The following JPH2 variants were observed in gnomAD, a reference collection of about 807,000 sequenced individuals.
The protein encoded by JPH2 is junctophilin 2, also known as junctophilin-2.
A neutral mutation model predicts 55.9 loss-of-function variants in JPH2; 38 were observed. The observed-to-expected ratio is 0.68, with a 90% CI of 0.52 to 0.89. The LOEUF is 0.89. Among genes scored for constraint, JPH2 ranks in the 40% least tolerant of loss-of-function variants. The pLI is 0.00. For synonymous variants in JPH2, 480 were observed against 472.4 expected, an observed-to-expected ratio of 1.02 and a Z score of -0.21; for missense variants, 964 against 1,037.6, an observed-to-expected ratio of 0.93 and a Z score of 0.97.
At chr20:44,119,041 G>A (rs2072215452) in intron 2 of JPH2, among the ~76,000 whole-genome samples, 1 of 152,192 alleles carries the variant, frequency 6.6e-6, no homozygotes, top group Non-Finnish European at 1.5e-5. Flanking sequence ...TGGCAGTGTG[G>A]TGAAGCCTAT....
intron 2 of JPH2, among the ~76,000 whole-genome samples, chr20:44,145,701 G>A (rs113581450): frequency 2.6e-5 from 4 of 151,460 alleles, no homozygotes; most frequent in African/African-American, 9.7e-5. Context: ...TTTCCACTTT[G>A]TGGAGTTCTG....
At chr20:44,171,601 T>C (rs1321220752) in intron 1 of JPH2, among the ~76,000 whole-genome samples, 4 of 152,062 alleles carry the variant, frequency 2.6e-5, no homozygotes, top group Non-Finnish European at 2.9e-5. Context: ...GCTCCAGCCT[T>C]TTCTGGAACA....
At chr20:44,176,318 CTTT>C (rs58088590) in intron 1 of JPH2, among the ~76,000 whole-genome samples, 2,025 of 113,626 alleles carry the variant, frequency 0.018, 67 homozygotes, top group African/African-American at 0.064. Flanking sequence ...TCCTATCTGT[CTTT>C]TTTTTTTTTT....
chr20:44,180,847 C>T (rs1272584077), intron 1 of JPH2, among the ~76,000 whole-genome samples: 1 of 151,538 alleles, frequency 6.6e-6, no homozygotes, highest in African/African-American at 2.4e-5. Context: ...GCAGGGGCCC[C>T]AGGACCAAGA....
rs2072129584 is a variant in JPH2, at chr20:44,109,840, C to T, written c.*3678G>A. 6.6e-6 allele frequency among the ~76,000 whole-genome samples: 1 copy of T among 152,154 alleles called. No individual in the cohort carries two copies. The highest frequency in any genetic ancestry group is 1.5e-5 in the Non-Finnish European group (1 of 68,044). On this transcript the variant is annotated 3_prime_UTR_variant, in exon 6 of 6. Coordinates refer to ENST00000372980, the MANE Select transcript of JPH2 (RefSeq NM_020433.5). Reference sequence around the variant, plus strand: ...GTGGGTCCATCAGATTATGAAACTTCCCTTCTTGCCCGAATCCCAAATCTG... The same window carrying T: ...GTGGGTCCATCAGATTATGAAACTTTCCTTCTTGCCCGAATCCCAAATCTG...
chr20:44,154,235 A>G (rs953518557), intron 2 of JPH2, among the ~76,000 whole-genome samples: 2 of 152,236 alleles, frequency 1.3e-5, no homozygotes, highest in East Asian at 1.9e-4. Context: ...ATGTTCTAGT[A>G]GCCACATTCA....
intron 3 of JPH2, among the ~76,000 whole-genome samples, chr20:44,117,751 G>GC (rs1345387112): frequency 1.2e-4 from 18 of 152,136 alleles, no homozygotes; most frequent in African/African-American, 3.9e-4. Context: ...ACTTCCTCTT[G>GC]CCTAACTGCT....
At chr20:44,120,870 C>A (rs747386338) in intron 2 of JPH2, among the ~76,000 whole-genome samples, 1 of 152,202 alleles carries the variant, frequency 6.6e-6, no homozygotes, top group African/African-American at 2.4e-5. Flanking sequence ...TGCTCTATAC[C>A]AGTAGCTGAG....
At chr20:44,177,115 G>A in intron 1 of JPH2, 14 of 985,594 alleles carry the variant, frequency 1.4e-5, no homozygotes, top group Non-Finnish European at 1.7e-5. Flanking sequence ...TTTAAGCAGG[G>A]AGTGAAAGTT....
intron 1 of JPH2, among the ~76,000 whole-genome samples, chr20:44,162,197 C>T (rs2072615814): frequency 6.6e-6 from 1 of 152,074 alleles, no homozygotes; most frequent in Non-Finnish European, 1.5e-5. Flanking sequence ...GGTCTTCCTG[C>T]TAATAAATGT....
chr20:44,149,607 A>C (rs1348630914), intron 2 of JPH2, among the ~76,000 whole-genome samples: 1 of 151,328 alleles, frequency 6.6e-6, no homozygotes, highest in Non-Finnish European at 1.5e-5. Context: ...CTTCTTCCCC[A>C]CCTCCTTCTG....
At chr20:44,117,882 T>C (rs1433411450) in intron 3 of JPH2, among the ~76,000 whole-genome samples, 1 of 152,220 alleles carries the variant, frequency 6.6e-6, no homozygotes, top group Non-Finnish European at 1.5e-5. Context: ...ACTGGGAATG[T>C]ACCTTACATG....
chr20:44,119,813 G>A (rs1466854909), intron 2 of JPH2, among the ~76,000 whole-genome samples: 1 of 149,988 alleles, frequency 6.7e-6, no homozygotes, highest in African/African-American at 2.5e-5. Context: ...GGCGGAGCTT[G>A]CAGTGAGCCG....
intron 1 of JPH2, chr20:44,178,065 A>G (rs1426802677): frequency 2.3e-5 from 18 of 780,470 alleles, no homozygotes; most frequent in South Asian, 2.0e-4. Flanking sequence ...ATTTGAACCC[A>G]GATCTGCCTA....
chr20:44,175,694 G>A (rs925956201), intron 1 of JPH2, among the ~76,000 whole-genome samples: 2 of 152,214 alleles, frequency 1.3e-5, no homozygotes, highest in East Asian at 1.9e-4. Context: ...CCCAGATGAT[G>A]CCCCGTGGCT....
chr20:44,170,884 A>G (rs980505586), intron 1 of JPH2, among the ~76,000 whole-genome samples: 1 of 152,208 alleles, frequency 6.6e-6, no homozygotes, highest in Non-Finnish European at 1.5e-5. Flanking sequence ...AAGAATTTAA[A>G]TGACTCTCAT....
intron 1 of JPH2, chr20:44,177,187 G>A (rs1600476318): frequency 1.3e-5 from 13 of 985,540 alleles, no homozygotes; most frequent in Non-Finnish European, 1.4e-5. Flanking sequence ...AGCTCGGGAA[G>A]GGATAGGTGA....
At chr20:44,114,680 G>A in intron 5 of JPH2, 102 bp downstream of exon 5, 1 of 819,052 alleles carries the variant, frequency 1.2e-6, no homozygotes, top group Non-Finnish European at 2.0e-6. Context: ...TCACAGGACT[G>A]TCATCCAAGT....
intron 2 of JPH2, among the ~76,000 whole-genome samples, chr20:44,129,562 A>C (rs1156597321): frequency 4.9e-5 from 6 of 122,152 alleles, no homozygotes; most frequent in Middle Eastern, 4.2e-3. Context: ...CAAAAAAAAA[A>C]AAAAAAACAA....
Sources: allele counts gnomAD v4.1 joint callset (sites outside exome capture counted in the v4.1 genomes callset), GRCh38; gene constraint gnomAD v4.1.1; transcripts MANE v1.5; gene names NCBI Gene and HGNC (gene_info 2026-07-23, HGNC 2026-07-21).